Variants in CCDC33 observed in about 807,000 individuals in gnomAD.
CCDC33 encodes coiled-coil domain containing 33, also known as coiled-coil domain-containing protein 33.
CCDC33 carries 94 observed loss-of-function variants against 91.9 expected under a neutral mutation model. That is an observed-to-expected ratio of 1.02 (90% CI 0.87 to 1.21). The LOEUF (loss-of-function observed/expected upper bound fraction) is 1.21, where lower values mean the gene tolerates loss of function less well. CCDC33 is among the 50% of genes most tolerant of loss of function. The probability of loss-of-function intolerance (pLI) is 0.00; values close to 1 mark genes in which losing one functional copy is unlikely to be tolerated. For synonymous variants in CCDC33, 396 were observed against 374.5 expected, an observed-to-expected ratio of 1.06 and a Z score of -0.66; for missense variants, 940 against 935.5, an observed-to-expected ratio of 1.00 and a Z score of -0.06.
chr15:74,221,033 A>G (rs1317715178), intron 2 of CCDC33, among the ~76,000 whole-genome samples: 1 of 152,178 alleles, frequency 6.6e-6, no homozygotes, highest in Non-Finnish European at 1.5e-5. Context: ...TTCTGGCTCC[A>G]GATGCAAATG....
chr15:74,237,040 A>G (rs2075184048), intron 1 of CCDC33, among the ~76,000 whole-genome samples: 1 of 152,166 alleles, frequency 6.6e-6, no homozygotes, highest in African/African-American at 2.4e-5. Flanking sequence ...CTGAGAGCCC[A>G]CTGAGATGGT....
chr15:74,221,163 A>C (rs2142150835), intron 2 of CCDC33: 1 of 963,934 alleles, frequency 1.0e-6, no homozygotes, highest in South Asian at 4.8e-5. Context: ...TCAATTCAGA[A>C]CTTGGTTGTA....
At chr15:74,323,966 G>A (rs186067308) in intron 11 of CCDC33, among the ~76,000 whole-genome samples, 58 of 151,954 alleles carry the variant, frequency 3.8e-4, no homozygotes, top group African/African-American at 1.2e-3. Context: ...AGTGGCAGGC[G>A]CCTGTAATCC....
At chr15:74,293,901 C>G (rs1596050129) in intron 10 of CCDC33, among the ~76,000 whole-genome samples, 5 of 152,112 alleles carry the variant, frequency 3.3e-5, no homozygotes, top group Admixed American at 3.3e-4. Context: ...TGTGACTGTC[C>G]CTTACTCTAT....
intron 10 of CCDC33, among the ~76,000 whole-genome samples, chr15:74,289,116 C>T (rs553715610): frequency 2.0e-5 from 3 of 152,260 alleles, no homozygotes; most frequent in Non-Finnish European, 2.9e-5. Flanking sequence ...GGTGCCCGCC[C>T]CTCATGACAG....
chr15:74,272,645 CCGAACTCGG>C, intron 6 of CCDC33, 117 bp from the exon 7 acceptor site: 1 of 1,306,178 alleles, frequency 7.7e-7, no homozygotes, highest in Non-Finnish European at 1.0e-6. Context: ...AGGTCCAGGC[CCGAACTCGG>C]CGGGATCCCT....
rs930911182 is a variant in CCDC33, at chr15:74,241,239, G to T, written c.22-2746G>T. 1.4e-4 allele frequency among the ~76,000 whole-genome samples: 21 copies of T among 152,170 alleles called. No homozygotes were observed. The South Asian group carries it at 4.4e-3, about 32-fold the overall frequency. ...CCTCAGTCAGAGGAAGGAGAGGGGG[G>T]CCTCTCTGCAGGACTGGCACTTCTG... On this transcript the variant is annotated intron_variant, in intron 1 of 18. Transcript: ENST00000398814.
rs112417665 is a variant in CCDC33 at position 74,224,223 on chromosome 15, C to T, written c.675+5362C>T. ...TTCCAGCCCCCACTTCACCCCTGCA[C>T]CTCCCACCCTGTCAGGGAGAGAGGC... On this transcript the variant is annotated intron_variant, in intron 2 of 2. Transcript: ENST00000635913. Among the ~76,000 whole-genome samples, 801 of 152,198 alleles carry T rather than the reference C, an allele frequency of 5.3e-3. 5 individuals are homozygous for T. Among genetic ancestry groups the T allele is most frequent in the African/African-American group, 0.018 (760 of 41,538 alleles).
chr15:74,265,487 C>T (rs1434675720), intron 3 of CCDC33, among the ~76,000 whole-genome samples: 2 of 152,172 alleles, frequency 1.3e-5, no homozygotes, highest in African/African-American at 4.8e-5. Flanking sequence ...CCAAATTCAA[C>T]CCTTCCTATC....
chr15:74,228,739 TC>T lies in CCDC33; in HGVS notation c.675+9880del, dbSNP rs2074876618. Among the ~76,000 whole-genome samples the T allele has an allele frequency of 3.3e-5, 5 of 152,338 alleles. No individual in the cohort carries two copies. In the South Asian group the frequency reaches 8.3e-4, roughly 25 times the overall value. On this transcript the variant is annotated intron_variant, in intron 2 of 2. Coordinates refer to the CCDC33 transcript ENST00000635913. ...ATAATTGCTTTTTGTCGGCGGGTGTTCCTGGAGACGCCTCCCCGTGGGATTG... is the reference window on the plus strand; with the variant it reads ...ATAATTGCTTTTTGTCGGCGGGTGTTCTGGAGACGCCTCCCCGTGGGATTG...
At chr15:74,271,499 G>A (rs1487294908) in intron 5 of CCDC33, among the ~76,000 whole-genome samples, 2 of 152,162 alleles carry the variant, frequency 1.3e-5, no homozygotes, top group South Asian at 2.1e-4. Context: ...GCCTCAGCTC[G>A]GCAGAGAAGG....
chr15:74,315,888 C>T (rs895368014), intron 11 of CCDC33, among the ~76,000 whole-genome samples: 5 of 152,074 alleles, frequency 3.3e-5, no homozygotes, highest in African/African-American at 9.7e-5. Flanking sequence ...GGACCTTGAC[C>T]GCCAAGCTGG....
At chr15:74,256,103 T>G (rs74023457) in intron 2 of CCDC33, among the ~76,000 whole-genome samples, 12,754 of 152,176 alleles carry the variant, frequency 0.084, 561 homozygotes, top group South Asian at 0.12. Flanking sequence ...GTAGTGGTGG[T>G]GAGGGTGGGG....
rs755978836 is a variant in CCDC33, at chr15:74,280,088, T to A, written c.885T>A (p.Thr295=). 32 of 1,613,882 alleles carry A rather than the reference T, an allele frequency of 2.0e-5. No individual in the cohort carries two copies. In the African/African-American group the frequency reaches 2.8e-4, roughly 14 times the overall value. ...TGGTGCTGGAGTACTACTCCTCAAC[T>A]TCAAGTACGTGACCCCTGGTGCCTC... ...TALVLEYYSS[T]SMKGSQPWTL... The change falls in exon 8 of 19, where the codon ACT becomes ACA. Residue 295 remains threonine, a synonymous_variant. Coordinates refer to ENST00000398814, the MANE Select transcript of CCDC33 (RefSeq NM_025055.5).
At chr15:74,271,561 AACAGGG>A (rs2076317228) in intron 5 of CCDC33, 136 bp from the exon 6 acceptor site, 1 of 629,746 alleles carries the variant, frequency 1.6e-6, no homozygotes. Context: ...TAAGGCAGGG[AACAGGG>A]AGAAGCAGGT....
intron 11 of CCDC33, among the ~76,000 whole-genome samples, chr15:74,327,336 T>C (rs1403625042): frequency 6.6e-6 from 1 of 152,138 alleles, no homozygotes; most frequent in Non-Finnish European, 1.5e-5. Flanking sequence ...AAGCGAGGTG[T>C]TAATAACAGA....
At chr15:74,209,143 T>C (rs1385382660) in intron 1 of CCDC33, 18 of 1,298,188 alleles carry the variant, frequency 1.4e-5, no homozygotes, top group Non-Finnish European at 1.8e-5. Flanking sequence ...CCCACCCCCA[T>C]CTCCAGCTCA....
chr15:74,328,516 T>C (rs1156544970), intron 11 of CCDC33, among the ~76,000 whole-genome samples: 1 of 152,162 alleles, frequency 6.6e-6, no homozygotes, highest in Non-Finnish European at 1.5e-5. Context: ...GTGTGTGTGG[T>C]CTCTAGACAG....
At chr15:74,247,340 GGATA>G (rs770517496) in intron 2 of CCDC33, among the ~76,000 whole-genome samples, 1 of 140,790 alleles carries the variant, frequency 7.1e-6, no homozygotes, top group Non-Finnish European at 1.5e-5. Flanking sequence ...ATGAATGAAT[GGATA>G]AAGAAAAAAT....
Sources: allele counts gnomAD v4.1 joint callset (sites outside exome capture counted in the v4.1 genomes callset), GRCh38; gene constraint gnomAD v4.1.1; transcripts MANE v1.5; gene names NCBI Gene and HGNC (gene_info 2026-07-23, HGNC 2026-07-21).